Variants in TRIO observed in about 807,000 individuals in gnomAD.
TRIO encodes the protein triple functional domain protein.
Under a neutral mutation model 351.9 loss-of-function variants are expected in TRIO, and 58 were observed. The observed-to-expected ratio is 0.16, with a 90% CI of 0.13 to 0.21. The LOEUF (loss-of-function observed/expected upper bound fraction) is 0.21. Among genes scored for constraint, TRIO ranks in the 10% least tolerant of loss-of-function variants. TRIO has a pLI of 1.00. For synonymous variants in TRIO, 1,758 were observed against 1,595.7 expected (o/e 1.10, Z -2.42); for missense variants, 3,201 against 4,027.8 (o/e 0.79, Z 5.56).
At chr5:14,396,779 C>T (rs1747636195) in intron 28 of TRIO, among the ~76,000 whole-genome samples, 1 of 151,990 alleles carries the variant, frequency 6.6e-6, no homozygotes, top group Non-Finnish European at 1.5e-5. Context: ...CTCTGTTTAT[C>T]ATTTTTGAGG....
At position 14,509,076 on chromosome 5, in the gene TRIO, C is replaced by T; in HGVS notation, c.*654C>T. ...CCTGCCTCCCCTACCCACCCCCCAC[C>T]CACCACCTGGGGCTTCCTCTGGGGG... On this transcript the variant is annotated 3_prime_UTR_variant, in exon 57 of 57. Transcript: ENST00000344204. The T allele has an allele frequency of 5.4e-6, 1 of 186,734 alleles. No homozygotes were observed. The highest frequency in any genetic ancestry group is 9.1e-5 in the South Asian group (1 of 11,004). 11.6% of individuals were successfully genotyped at this position (186,734 alleles called of 1,614,324 possible). A position where few individuals can be genotyped will look rare whatever the true frequency, so the allele number is the denominator to read the frequency against.
chr5:14,341,292 C>G (rs1401771679), intron 11 of TRIO, among the ~76,000 whole-genome samples: 1 of 152,220 alleles, frequency 6.6e-6, no homozygotes, highest in Non-Finnish European at 1.5e-5. Flanking sequence ...TCTTTTCACT[C>G]ATTCATTCCA....
chr5:14,324,638 G>C (rs1257712558), intron 9 of TRIO, among the ~76,000 whole-genome samples: 1 of 152,168 alleles, frequency 6.6e-6, no homozygotes, highest in East Asian at 1.9e-4. Context: ...GAGTTGAGAA[G>C]ACCTCCATTT....
chr5:14,445,922 C>T (rs1252743543), intron 34 of TRIO, among the ~76,000 whole-genome samples: 2 of 152,244 alleles, frequency 1.3e-5, no homozygotes, highest in African/African-American at 2.4e-5. Flanking sequence ...GTGCCCACCA[C>T]AGGCACTCTG....
chr5:14,287,188 A>G, intron 4 of TRIO, 125 bp downstream of exon 4: 1 of 889,786 alleles, frequency 1.1e-6, no homozygotes, highest in Non-Finnish European at 1.7e-6. Flanking sequence ...TCTTACGAAC[A>G]TGTGATACGT....
At chr5:14,233,493 A>C (rs1252667820) in intron 1 of TRIO, among the ~76,000 whole-genome samples, 1 of 151,910 alleles carries the variant, frequency 6.6e-6, no homozygotes, top group Non-Finnish European at 1.5e-5. Context: ...CTCTGTCAAA[A>C]GAAAAAAAAA....
intron 1 of TRIO, among the ~76,000 whole-genome samples, chr5:14,257,768 ATG>A (rs1795108845): frequency 6.6e-6 from 1 of 152,226 alleles, no homozygotes; most frequent in South Asian, 2.1e-4. Context: ...CAATAATTAC[ATG>A]TCTCAGTCTG....
chr5:14,166,605 T>C (rs913537448), intron 1 of TRIO, among the ~76,000 whole-genome samples: 1 of 152,166 alleles, frequency 6.6e-6, no homozygotes, highest in South Asian at 2.1e-4. Flanking sequence ...CTGCCCCGAG[T>C]GCTCAGCACA....
chr5:14,384,071 T>G (rs1174591284), intron 21 of TRIO, among the ~76,000 whole-genome samples: 1 of 152,190 alleles, frequency 6.6e-6, no homozygotes, highest in African/African-American at 2.4e-5. Flanking sequence ...AGGCACCACC[T>G]GCATCCAGGT....
At chr5:14,430,610 T>C (rs1405738913) in intron 34 of TRIO, among the ~76,000 whole-genome samples, 4 of 152,252 alleles carry the variant, frequency 2.6e-5, no homozygotes, top group African/African-American at 9.6e-5. Context: ...CTAGTGGGCC[T>C]TGGAGTCTCT....
At chr5:14,346,061 T>G (rs960173632) in intron 11 of TRIO, among the ~76,000 whole-genome samples, 3 of 152,242 alleles carry the variant, frequency 2.0e-5, no homozygotes, top group African/African-American at 7.2e-5. Flanking sequence ...TGGCCAACAA[T>G]GTATTAGCTA....
intron 1 of TRIO, among the ~76,000 whole-genome samples, chr5:14,159,495 A>G (rs962209130): frequency 6.6e-6 from 1 of 151,924 alleles, no homozygotes; most frequent in East Asian, 1.9e-4. Context: ...ACTTTCTGCT[A>G]TGCTTCTCCT....
At chr5:14,280,247 C>G in intron 2 of TRIO, 75 bp from the exon 3 acceptor site, 1 of 1,411,570 alleles carries the variant, frequency 7.1e-7, no homozygotes, top group South Asian at 1.2e-5. Context: ...ATAATTTTGA[C>G]AGAGTGAATG....
At chr5:14,486,075 C>G (rs1186006436) in intron 47 of TRIO, among the ~76,000 whole-genome samples, 3 of 152,136 alleles carry the variant, frequency 2.0e-5, no homozygotes, top group Non-Finnish European at 4.4e-5. Context: ...GCGGGCGTGG[C>G]CACACTACCC....
intron 1 of TRIO, among the ~76,000 whole-genome samples, chr5:14,255,000 A>G (rs895448985): frequency 3.3e-5 from 5 of 152,150 alleles, no homozygotes; most frequent in African/African-American, 7.2e-5. Context: ...TTTAAAGCAA[A>G]ATATGAAAAT....
intron 34 of TRIO, among the ~76,000 whole-genome samples, chr5:14,456,530 G>T (rs1753325292): frequency 6.6e-6 from 1 of 152,238 alleles, no homozygotes; most frequent in Admixed American, 6.5e-5. Flanking sequence ...GAGCAAAAAA[G>T]TAAGGACACA....
chr5:14,280,252 T>C (rs1735881604), intron 2 of TRIO, 70 bp from the exon 3 acceptor site: 1 of 1,443,548 alleles, frequency 6.9e-7, no homozygotes, highest in Admixed American at 1.7e-5. Flanking sequence ...TTTGACAGAG[T>C]GAATGGATGA....
At chr5:14,427,664 A>C (rs557187010) in intron 34 of TRIO, among the ~76,000 whole-genome samples, 6 of 152,166 alleles carry the variant, frequency 3.9e-5, no homozygotes, top group Non-Finnish European at 8.8e-5. Flanking sequence ...CTTGTCCTGG[A>C]TTCTCACCGG....
intron 28 of TRIO, 33 bp downstream of exon 28, chr5:14,394,163 T>C: frequency 7.3e-7 from 1 of 1,376,976 alleles, no homozygotes; most frequent in Non-Finnish European, 1.0e-6. Context: ...CTGTGAAATT[T>C]TATGAATTAT....
Sources: allele counts gnomAD v4.1 joint callset (sites outside exome capture counted in the v4.1 genomes callset), GRCh38; gene constraint gnomAD v4.1.1; transcripts MANE v1.5; gene names NCBI Gene and HGNC (gene_info 2026-07-23, HGNC 2026-07-21).